SLAMF1: variants seen among roughly 807,000 people sequenced by gnomAD.
The protein encoded by SLAMF1 is signaling lymphocytic activation molecule family member 1.
SLAMF1 carries 18 observed loss-of-function variants against 35.1 expected under a neutral mutation model. That is an observed-to-expected ratio of 0.51 (90% CI 0.35 to 0.76). SLAMF1 has a LOEUF of 0.76. Ranked by LOEUF, SLAMF1 falls within the 30% of genes least tolerant of loss-of-function variation. The pLI is 0.01. For synonymous variants in SLAMF1, 168 were observed against 157.2 expected, an observed-to-expected ratio of 1.07 and a Z score of -0.51; for missense variants, 392 against 413.0, an observed-to-expected ratio of 0.95 and a Z score of 0.44.
At chr1:160,643,773 T>C (rs1660884014) in intron 1 of SLAMF1, among the ~76,000 whole-genome samples, 1 of 152,244 alleles carries the variant, frequency 6.6e-6, no homozygotes, top group Non-Finnish European at 1.5e-5. Context: ...AACATTTGAA[T>C]TATTCTCTTC....
intron 1 of SLAMF1, among the ~76,000 whole-genome samples, chr1:160,643,161 G>A (rs13374761): frequency 0.13 from 19,595 of 152,070 alleles, 1,690 homozygotes; most frequent in African/African-American, 0.25. Flanking sequence ...ATAAAAGAGG[G>A]AGGAGGCAGC....
rs370549496 is a variant in SLAMF1, at chr1:160,612,483, C to G, written c.957+5G>C. The G allele has an allele frequency of 1.4e-5, 22 of 1,594,328 alleles. No individual in the cohort carries two copies. In the African/African-American group the frequency reaches 2.3e-4, roughly 17 times the overall value. ...CTACGGAGAGTAGGCAGAGAGATGC[C>G]TCACCTGGACAGACTCTGGGACAGG... On this transcript the variant is annotated splice_donor_5th_base_variant and intron_variant, in intron 6 of 6. Coordinates refer to ENST00000302035, the MANE Select transcript of SLAMF1 (RefSeq NM_003037.5).
Position 160,609,424 on chromosome 1 carries a change from G to T in SLAMF1, c.*1324C>A, listed in dbSNP as rs1658863607. 6.6e-6 allele frequency: 1 copy of T among 152,190 alleles called. No individual in the cohort carries two copies. Among genetic ancestry groups the T allele is most frequent in the South Asian group, 2.1e-4 (1 of 4,828 alleles). The allele number at this position is 152,190 out of a possible 1,614,324, so 9.4% of individuals were successfully genotyped here. A position where few individuals can be genotyped will look rare whatever the true frequency, so the allele number is the denominator to read the frequency against. On this transcript the variant is annotated 3_prime_UTR_variant, in exon 7 of 7. Coordinates refer to ENST00000302035, the MANE Select transcript of SLAMF1 (RefSeq NM_003037.5). The stretch of plus-strand genomic sequence containing the variant: ...GGAAACGAGATGCACTAAGCAACAG[G>T]CTTACAATGTGAATTGACCTCATAG...
intron 1 of SLAMF1, 21 bp downstream of exon 1, chr1:160,646,849 A>G (rs1019581553): frequency 6.9e-7 from 1 of 1,439,228 alleles, no homozygotes; most frequent in Non-Finnish European, 9.8e-7. Context: ...GACTCAAACC[A>G]TCAGGCAGAT....
At chr1:160,612,636 C>T in intron 5 of SLAMF1, 56 bp from the exon 6 acceptor site, 1 of 1,060,276 alleles carries the variant, frequency 9.4e-7, no homozygotes, top group Non-Finnish European at 1.5e-6. Flanking sequence ...AGTTCTCACC[C>T]AACTCTCCGA....
chr1:160,640,214 G>A lies in SLAMF1; in HGVS notation c.77-2685C>T, dbSNP rs552597439. The stretch of plus-strand genomic sequence containing the variant: ...ATTTTGACCCCAAGACCTACAAACA[G>A]GTGCTATGTGCTTAGTATATAGGAG... On this transcript the variant is annotated intron_variant, in intron 1 of 6. Coordinates refer to ENST00000302035, the MANE Select transcript of SLAMF1 (RefSeq NM_003037.5). Among the ~76,000 whole-genome samples the A allele has an allele frequency of 9.9e-5, 15 of 151,196 alleles. 2 individuals are homozygous for A. In the South Asian group the frequency reaches 2.9e-3, roughly 30 times the overall value.
At chr1:160,639,984 G>A (rs1660653695) in intron 1 of SLAMF1, among the ~76,000 whole-genome samples, 1 of 151,932 alleles carries the variant, frequency 6.6e-6, no homozygotes, top group South Asian at 2.1e-4. Flanking sequence ...TACCTGGGTA[G>A]CTCATTCTTT....
chr1:160,625,432 C>G (rs1463371312), intron 3 of SLAMF1, among the ~76,000 whole-genome samples: 1 of 152,068 alleles, frequency 6.6e-6, no homozygotes, highest in Admixed American at 6.5e-5. Flanking sequence ...CAGAGTTGAC[C>G]AAAGATACAG....
At chr1:160,616,391 A>AAT (rs1461155504) in intron 5 of SLAMF1, among the ~76,000 whole-genome samples, 1 of 152,000 alleles carries the variant, frequency 6.6e-6, no homozygotes, top group African/African-American at 2.4e-5. Context: ...CTTAAAAAAA[A>AAT]AAAGGCATTA....
At chr1:160,634,375 G>T in intron 3 of SLAMF1, 1 of 983,634 alleles carries the variant, frequency 1.0e-6, no homozygotes, top group Non-Finnish European at 1.2e-6. Context: ...CTTAGGCTCT[G>T]GGTCTGTCTC....
chr1:160,627,668 A>G (rs1659949844), intron 3 of SLAMF1, among the ~76,000 whole-genome samples: 1 of 152,184 alleles, frequency 6.6e-6, no homozygotes, highest in Non-Finnish European at 1.5e-5. Context: ...AAAAAGTGCT[A>G]CTATTACAGT....
intron 1 of SLAMF1, among the ~76,000 whole-genome samples, chr1:160,641,896 A>G (rs1334330707): frequency 1.3e-5 from 2 of 152,168 alleles, no homozygotes; most frequent in Non-Finnish European, 2.9e-5. Context: ...ACTTTCCTTC[A>G]TGGGTAATTC....
At chr1:160,618,800 A>G (rs943402435) in intron 5 of SLAMF1, among the ~76,000 whole-genome samples, 2 of 152,174 alleles carry the variant, frequency 1.3e-5, no homozygotes, top group African/African-American at 4.8e-5. Flanking sequence ...GGAAGACACT[A>G]TGGTCAAGGT....
chr1:160,631,034 ATTG>A (rs1660137792), intron 3 of SLAMF1, among the ~76,000 whole-genome samples: 1 of 151,636 alleles, frequency 6.6e-6, no homozygotes, highest in South Asian at 2.1e-4. Flanking sequence ...ATCTCGGATC[ATTG>A]TTTACTTATA....
At chr1:160,643,908 T>C (rs1254297188) in intron 1 of SLAMF1, among the ~76,000 whole-genome samples, 1 of 152,194 alleles carries the variant, frequency 6.6e-6, no homozygotes, top group Non-Finnish European at 1.5e-5. Flanking sequence ...GCCTCCAGCA[T>C]GAGGTATGGA....
chr1:160,644,918 T>C (rs1371538505), intron 1 of SLAMF1, among the ~76,000 whole-genome samples: 3 of 152,142 alleles, frequency 2.0e-5, no homozygotes, highest in Non-Finnish European at 4.4e-5. Flanking sequence ...TAAAAAAAAC[T>C]CATTGACATA....
Position 160,610,692 on chromosome 1 carries a change from T to G in SLAMF1, c.*56A>C. Reference sequence around the variant, plus strand: ...ACTTGGGGCCTGTGGCCAAGTTCAGTGTTCATTTTGGTTTTTCCATTTTCC... The same window carrying G: ...ACTTGGGGCCTGTGGCCAAGTTCAGGGTTCATTTTGGTTTTTCCATTTTCC... On this transcript the variant is annotated 3_prime_UTR_variant, in exon 7 of 7. Transcript: ENST00000302035. 2 of 1,321,144 alleles carry G rather than the reference T, an allele frequency of 1.5e-6. No homozygotes were observed. The highest frequency in any genetic ancestry group is 1.1e-6 in the Non-Finnish European group (1 of 913,364). The allele number at this position is 1,321,144 out of a possible 1,614,324, so 81.8% of individuals were successfully genotyped here. A position where few individuals can be genotyped will look rare whatever the true frequency, so the allele number is the denominator to read the frequency against.
intron 1 of SLAMF1, among the ~76,000 whole-genome samples, chr1:160,640,325 C>CACATAT (rs1303073948): frequency 1.8e-4 from 17 of 94,126 alleles, no homozygotes; most frequent in African/African-American, 6.7e-4. Flanking sequence ...TTAGGTTTGT[C>CACATAT]ATATATATAT....
rs1464937249 is a variant in SLAMF1 at position 160,608,175 on chromosome 1, C to T, written c.*2573G>A. ...GAAACATAAACTTCAGAAGAAGAAT[C>T]AATTCACAGTGGCTTCTCAGCCAGC... On this transcript the variant is annotated 3_prime_UTR_variant, in exon 7 of 7. Coordinates refer to ENST00000302035, the MANE Select transcript of SLAMF1 (RefSeq NM_003037.5). 1.3e-5 allele frequency: 2 copies of T among 152,146 alleles called. No individual in the cohort carries two copies. The highest frequency in any genetic ancestry group is 4.8e-5 in the African/African-American group (2 of 41,416). 9.4% of individuals were successfully genotyped at this position (152,146 alleles called of 1,614,324 possible).
Sources: gnomAD v4.1 joint callset for allele counts (sites outside exome capture counted in the v4.1 genomes callset) on GRCh38, gnomAD v4.1.1 for gene constraint, MANE v1.5 for transcripts, NCBI Gene and HGNC (gene_info 2026-07-23, HGNC 2026-07-21) for gene names.